ZNF341: variants seen among roughly 807,000 people sequenced by gnomAD.
The protein encoded by ZNF341 is zinc finger protein 341.
ZNF341 carries 52 observed loss-of-function variants against 87.7 expected under a neutral mutation model. The observed-to-expected ratio is 0.59, with a 90% confidence interval of 0.47 to 0.75. The LOEUF is 0.75. ZNF341 is among the 30% of genes least tolerant of loss of function. ZNF341 has a pLI of 0.00. For missense variants in ZNF341, 977 were observed against 1,145.9 expected (o/e 0.85, Z 2.13); for synonymous variants, 459 against 472.7 (o/e 0.97, Z 0.38).
chr20:33,763,487 C>CA (rs2019337297), intron 8 of ZNF341, among the ~76,000 whole-genome samples: 1 of 152,094 alleles, frequency 6.6e-6, no homozygotes, highest in African/African-American at 2.4e-5. Context: ...TTAGTAGAGA[C>CA]AAGGCTTCAC....
In ZNF341 at chr20:33,754,023, G is replaced by T. The variant is rs552001604; in HGVS notation, c.741+600G>T. On this transcript the variant is annotated intron_variant, in intron 5 of 14. Transcript: ENST00000375200. The stretch of plus-strand genomic sequence containing the variant: ...TCTGCGTGACTCTCATCCTCCACTA[G>T]GTTCTCATGGCCATGGTGGAGGTGC... Among the ~76,000 whole-genome samples the T allele has an allele frequency of 1.5e-4, 23 of 152,274 alleles. 1 individual carries two copies. The South Asian group carries it at 4.8e-3, about 32-fold the overall frequency.
At chr20:33,736,891 C>A (rs1246268375) in intron 1 of ZNF341, among the ~76,000 whole-genome samples, 2 of 151,996 alleles carry the variant, frequency 1.3e-5, no homozygotes, top group Admixed American at 6.6e-5. Flanking sequence ...GTGAGACTGC[C>A]CAGGGACAGC....
intron 8 of ZNF341, among the ~76,000 whole-genome samples, chr20:33,765,977 G>T (rs1422167251): frequency 6.6e-6 from 1 of 152,174 alleles, no homozygotes; most frequent in East Asian, 1.9e-4. Context: ...CCACCTTCCG[G>T]GTTCAAGCAA....
At chr20:33,790,767 A>G (rs1184797332) in intron 14 of ZNF341, among the ~76,000 whole-genome samples, 1 of 152,186 alleles carries the variant, frequency 6.6e-6, no homozygotes, top group East Asian at 1.9e-4. Context: ...AATGGCAAGT[A>G]CAAAGGCGCA....
chr20:33,746,475 C>T (rs1318085279), intron 3 of ZNF341, among the ~76,000 whole-genome samples: 1 of 150,118 alleles, frequency 6.7e-6, no homozygotes, highest in African/African-American at 2.5e-5. Context: ...CTTGTGATCT[C>T]CCCGCCTCGG....
Position 33,783,718 on chromosome 20 carries a change from C to T in ZNF341, c.1720-14C>T. The T allele has an allele frequency of 6.2e-7, 1 of 1,613,738 alleles. No homozygotes were observed. The highest frequency in any genetic ancestry group is 8.5e-7 in the Non-Finnish European group (1 of 1,179,856). On this transcript the variant is annotated splice_polypyrimidine_tract_variant and intron_variant, in intron 11 of 14. Coordinates refer to ENST00000375200, the MANE Select transcript of ZNF341 (RefSeq NM_001282933.2). ...CCCGGTGAGTCAGACCTGAAGGCCC[C>T]TCTTCTCTCCCAGGTGTTTCCTTGT... is the stretch of plus-strand genomic sequence containing the variant.
chr20:33,762,535 T>G (rs906821868), intron 8 of ZNF341, among the ~76,000 whole-genome samples: 1 of 151,466 alleles, frequency 6.6e-6, no homozygotes, highest in African/African-American at 2.4e-5. Context: ...TTTTTATTTT[T>G]ACTTTAAGTT....
intron 3 of ZNF341, among the ~76,000 whole-genome samples, chr20:33,748,062 A>G (rs553492498): frequency 2.8e-4 from 43 of 151,828 alleles, no homozygotes; most frequent in African/African-American, 8.9e-4. Flanking sequence ...TCTCTAGCAT[A>G]GATACAAGGA....
chr20:33,741,129 T>C, intron 2 of ZNF341, 117 bp downstream of exon 2: 1 of 981,552 alleles, frequency 1.0e-6, no homozygotes, highest in Non-Finnish European at 1.6e-6. Context: ...GGACATGCTC[T>C]GGTGTCTGAA....
In ZNF341 at chr20:33,757,327, C is replaced by T; in HGVS notation, c.921C>T (p.Ala307=). Residue 307 remains alanine, a synonymous_variant, in exon 6 of 15, where the codon GCC becomes GCT. Transcript: ENST00000375200. ...ATLKTRRAKG[A]RGLPEAAGKP... Reference sequence around the variant, plus strand: ...TGAAGACCCGACGAGCTAAAGGTGCCAGGGGACTCCCGGAAGGTGGGCCCC... The same window carrying T: ...TGAAGACCCGACGAGCTAAAGGTGCTAGGGGACTCCCGGAAGGTGGGCCCC... 1 of 1,553,590 alleles carries T rather than the reference C, an allele frequency of 6.4e-7. No homozygotes were observed. Among genetic ancestry groups the T allele is most frequent in the Non-Finnish European group, 8.7e-7 (1 of 1,150,594 alleles).
Position 33,783,826 on chromosome 20 carries a change from G to A in ZNF341, c.1814G>A (p.Arg605Gln), listed in dbSNP as rs202136503. 23 of 1,613,658 alleles carry A rather than the reference G, an allele frequency of 1.4e-5. No homozygotes were observed. Among genetic ancestry groups the A allele is most frequent in the Middle Eastern group, 3.3e-4 (2 of 6,058 alleles). The part of the protein sequence containing the change: ...KCQVCKKFFR[R>Q]EHYLKLHAHI... Reference sequence around the variant, plus strand: ...CAAGTGTGCAAGAAGTTCTTCCGGCGGGAGCATTATCTCAAACTGCATGCT... The same window carrying A: ...CAAGTGTGCAAGAAGTTCTTCCGGCAGGAGCATTATCTCAAACTGCATGCT... Residue 605 changes from arginine (R) to glutamine (Q), a missense_variant, in exon 12 of 15, where the codon CGG becomes CAG. Transcript: ENST00000375200.
At position 33,743,887 on chromosome 20, in the gene ZNF341, AC is replaced by A. The variant is rs541319046; in HGVS notation, c.143-1215del. On this transcript the variant is annotated intron_variant, in intron 2 of 14. Transcript: ENST00000375200. ...TTGTAGTTATGGTGATAAATAAGACACATGTCCTTCCCTTAGGGGACTCACA... is the reference window on the plus strand; with the variant it reads ...TTGTAGTTATGGTGATAAATAAGACAATGTCCTTCCCTTAGGGGACTCACA... 2.6e-3 allele frequency among the ~76,000 whole-genome samples: 398 copies of A among 152,368 alleles called. 3 individuals carry two copies. The highest frequency in any genetic ancestry group is 8.9e-3 in the African/African-American group (372 of 41,594).
chr20:33,736,991 A>G (rs1195711987), intron 1 of ZNF341, among the ~76,000 whole-genome samples: 1 of 152,176 alleles, frequency 6.6e-6, no homozygotes, highest in Non-Finnish European at 1.5e-5. Flanking sequence ...GGCCAGGAGA[A>G]GAGAGTAAAG....
At chr20:33,747,386 C>T (rs1374883283) in intron 3 of ZNF341, among the ~76,000 whole-genome samples, 2 of 136,046 alleles carry the variant, frequency 1.5e-5, no homozygotes, top group Non-Finnish European at 2.9e-5. Flanking sequence ...GAGGCCGAGG[C>T]GGGCGGATCA....
chr20:33,786,929 C>G (rs2019877402), intron 12 of ZNF341, among the ~76,000 whole-genome samples: 1 of 147,646 alleles, frequency 6.8e-6, no homozygotes, highest in Non-Finnish European at 1.5e-5. Context: ...GATCAAACCA[C>G]TGCACTCCAG....
At chr20:33,756,891 G>A (rs1252567511) in intron 5 of ZNF341, among the ~76,000 whole-genome samples, 2 of 152,192 alleles carry the variant, frequency 1.3e-5, no homozygotes, top group Non-Finnish European at 2.9e-5. Flanking sequence ...GATGCCTAAG[G>A]TCACTTCGGT....
Position 33,754,291 on chromosome 20 carries a change from C to T in ZNF341, c.741+868C>T, listed in dbSNP as rs571310063. Among the ~76,000 whole-genome samples, 148 of 152,246 alleles carry T rather than the reference C, an allele frequency of 9.7e-4. 1 individual carries two copies. The highest frequency in any genetic ancestry group is 3.5e-3 in the African/African-American group (144 of 41,540). ...CATACTAATTCCCTGCCAATGAGCT[C>T]TAAGTTATAGGCCATCTACTTGAAA... On this transcript the variant is annotated intron_variant, in intron 5 of 14. Transcript: ENST00000375200.
intron 12 of ZNF341, chr20:33,788,558 C>T (rs995670331): frequency 6.7e-5 from 28 of 416,774 alleles, no homozygotes; most frequent in African/African-American, 3.8e-4. Flanking sequence ...TCATCAGCAC[C>T]GCCAAACGCA....
intron 6 of ZNF341, 123 bp downstream of exon 6, chr20:33,757,466 A>G: frequency 3.6e-6 from 3 of 837,550 alleles, no homozygotes; most frequent in Non-Finnish European, 5.0e-6. Context: ...AATTCAAAAT[A>G]TCAATGACTT....
Sources: allele counts gnomAD v4.1 joint callset (sites outside exome capture counted in the v4.1 genomes callset), GRCh38; gene constraint gnomAD v4.1.1; transcripts MANE v1.5; gene names NCBI Gene and HGNC (gene_info 2026-07-23, HGNC 2026-07-21).